The following ASAP1 variants were observed in gnomAD, a reference collection of about 807,000 sequenced individuals.
The protein encoded by ASAP1 is arf-GAP with SH3 domain, ANK repeat and PH domain-containing protein 1.
ASAP1 carries 43 observed loss-of-function variants against 145.2 expected under a neutral mutation model. The observed-to-expected ratio is 0.30, with a 90% CI of 0.23 to 0.38. The LOEUF (loss-of-function observed/expected upper bound fraction) is 0.38. ASAP1 is among the 10% of genes least tolerant of loss of function. ASAP1 has a pLI of 1.00. For missense variants in ASAP1, 1,018 were observed against 1,355.3 expected (o/e 0.75, Z 3.91); for synonymous variants, 546 against 515.5 (o/e 1.06, Z -0.80).
At chr8:130,423,059 T>C (rs923094775) in intron 1 of ASAP1, among the ~76,000 whole-genome samples, 5 of 152,174 alleles carry the variant, frequency 3.3e-5, no homozygotes, top group African/African-American at 1.2e-4. Context: ...TAGAACTAAA[T>C]TGCGCCATTG....
chr8:130,255,863 A>G (rs1819481522), intron 3 of ASAP1, among the ~76,000 whole-genome samples: 1 of 152,196 alleles, frequency 6.6e-6, no homozygotes, highest in African/African-American at 2.4e-5. Flanking sequence ...ATGTGAGTGC[A>G]ATTTAGGATA....
At chr8:130,128,872 T>C (rs763748621) in intron 15 of ASAP1, among the ~76,000 whole-genome samples, 30 of 152,190 alleles carry the variant, frequency 2.0e-4, no homozygotes, top group Admixed American at 1.3e-4. Flanking sequence ...GCTCATAATA[T>C]AGTGTTTTGT....
intron 4 of ASAP1, among the ~76,000 whole-genome samples, chr8:130,220,861 A>T (rs994015110): frequency 6.6e-6 from 1 of 152,204 alleles, no homozygotes; most frequent in Non-Finnish European, 1.5e-5. Context: ...AGTAAAGTGC[A>T]GAGTGAAGGA....
At position 130,062,322 on chromosome 8, in the gene ASAP1, C is replaced by A. The variant is rs79318230; in HGVS notation, c.2702-1253G>T. 2.3e-3 allele frequency among the ~76,000 whole-genome samples: 349 copies of A among 152,282 alleles called. 11 individuals are homozygous for A. In the East Asian group the frequency reaches 0.05, roughly 22 times the overall value. On this transcript the variant is annotated intron_variant, in intron 27 of 29. Coordinates refer to ENST00000518721, the MANE Select transcript of ASAP1 (RefSeq NM_018482.4). ...TAAAGAAGGAGAAGAAACAGATAAA[C>A]CTCATGTTGTAAATGTCACAGGCTG...
chr8:130,341,139 C>A (rs967412467), intron 3 of ASAP1, among the ~76,000 whole-genome samples: 1 of 151,972 alleles, frequency 6.6e-6, no homozygotes, highest in Non-Finnish European at 1.5e-5. Flanking sequence ...AAGGTAAAGT[C>A]GACACAAAAC....
chr8:130,070,448 A>G (rs796822540), intron 27 of ASAP1, among the ~76,000 whole-genome samples: 13 of 152,238 alleles, frequency 8.5e-5, no homozygotes, highest in African/African-American at 3.1e-4. Context: ...CTGCTCTCCA[A>G]TATTAATTGG....
intron 3 of ASAP1, among the ~76,000 whole-genome samples, chr8:130,309,811 C>T (rs1313789577): frequency 6.6e-6 from 1 of 152,176 alleles, no homozygotes; most frequent in Non-Finnish European, 1.5e-5. Context: ...ACAAGCTGTA[C>T]TGCCAGGTGA....
chr8:130,339,623 A>G (rs78654382), intron 3 of ASAP1, among the ~76,000 whole-genome samples: 349 of 152,254 alleles, frequency 2.3e-3, no homozygotes, highest in African/African-American at 8.0e-3. Context: ...CTCAAACACA[A>G]AAAAATCAAT....
At chr8:130,255,056 G>C (rs986719014) in intron 3 of ASAP1, among the ~76,000 whole-genome samples, 1 of 151,944 alleles carries the variant, frequency 6.6e-6, no homozygotes, top group Non-Finnish European at 1.5e-5. Flanking sequence ...TAAATGTCTC[G>C]AAAGTCATCT....
intron 28 of ASAP1, among the ~76,000 whole-genome samples, chr8:130,059,392 T>C (rs2097412560): frequency 6.6e-6 from 1 of 152,132 alleles, no homozygotes; most frequent in Non-Finnish European, 1.5e-5. Flanking sequence ...TCATGAATCC[T>C]GGGCTCAAGG....
chr8:130,060,284 T>C (rs1592710908), intron 28 of ASAP1, among the ~76,000 whole-genome samples: 1 of 152,236 alleles, frequency 6.6e-6, no homozygotes, highest in East Asian at 1.9e-4. Context: ...TGAGCTCAAA[T>C]ATTGTATTAG....
chr8:130,111,078 A>T (rs970780656), intron 24 of ASAP1, among the ~76,000 whole-genome samples: 1 of 151,902 alleles, frequency 6.6e-6, no homozygotes, highest in African/African-American at 2.4e-5. Flanking sequence ...CCCTCCTATG[A>T]GCGGGATTCC....
chr8:130,404,129 T>C (rs1828923606), intron 1 of ASAP1, among the ~76,000 whole-genome samples: 2 of 152,238 alleles, frequency 1.3e-5, no homozygotes, highest in South Asian at 4.1e-4. Flanking sequence ...AAGATTGTGT[T>C]TGGATTTGTT....
At chr8:130,178,665 C>T (rs551911352) in intron 9 of ASAP1, among the ~76,000 whole-genome samples, 39 of 152,228 alleles carry the variant, frequency 2.6e-4, no homozygotes, top group Admixed American at 1.0e-3. Flanking sequence ...CAAGGTGGAT[C>T]GCGAGGTCAG....
intron 24 of ASAP1, among the ~76,000 whole-genome samples, chr8:130,102,907 T>C (rs1196896723): frequency 6.6e-6 from 1 of 152,206 alleles, no homozygotes; most frequent in Non-Finnish European, 1.5e-5. Context: ...CCCAGATTGG[T>C]CTCAAACTTC....
intron 3 of ASAP1, among the ~76,000 whole-genome samples, chr8:130,258,468 T>G (rs561413645): frequency 6.6e-6 from 1 of 152,350 alleles, no homozygotes; most frequent in Non-Finnish European, 1.5e-5. Flanking sequence ...CCACGGATGT[T>G]TTAAAACACT....
At chr8:130,243,475 G>C (rs1818665768) in intron 3 of ASAP1, among the ~76,000 whole-genome samples, 1 of 152,140 alleles carries the variant, frequency 6.6e-6, no homozygotes, top group Non-Finnish European at 1.5e-5. Flanking sequence ...AGAAAGGAAA[G>C]ATGAAAGAAT....
chr8:130,065,834 A>T (rs553364303), intron 27 of ASAP1, among the ~76,000 whole-genome samples: 1 of 152,216 alleles, frequency 6.6e-6, no homozygotes, highest in Non-Finnish European at 1.5e-5. Context: ...ATAATCGTGT[A>T]CTAGCCTCAC....
chr8:130,054,527 G>A lies in ASAP1; in HGVS notation c.*204C>T, dbSNP rs2097399423. 3 of 483,852 alleles carry A rather than the reference G, an allele frequency of 6.2e-6. No individual in the cohort carries two copies. Among genetic ancestry groups the A allele is most frequent in the Non-Finnish European group, 1.2e-5 (3 of 260,502 alleles). The allele number at this position is 483,852 out of a possible 1,614,324, so 30.0% of individuals were successfully genotyped here. The stretch of plus-strand genomic sequence containing the variant: ...GATGGCTTTGGCAAACCAGTAAGGC[G>A]CGCCGGGTCCGAGGCTACCCTCATA... On this transcript the variant is annotated 3_prime_UTR_variant, in exon 30 of 30. Coordinates refer to ENST00000518721, the MANE Select transcript of ASAP1 (RefSeq NM_018482.4).
Sources: allele counts gnomAD v4.1 joint callset (sites outside exome capture counted in the v4.1 genomes callset), GRCh38; gene constraint gnomAD v4.1.1; transcripts MANE v1.5; gene names NCBI Gene and HGNC (gene_info 2026-07-23, HGNC 2026-07-21).